Variants in MAP7D3 observed in about 807,000 individuals in gnomAD.
MAP7D3 encodes MAP7 domain containing 3.
A neutral mutation model predicts 62.2 loss-of-function variants in MAP7D3; 45 were observed. The observed-to-expected ratio is 0.72, with a 90% CI of 0.57 to 0.93. MAP7D3 has a LOEUF of 0.93. Ranked by LOEUF, MAP7D3 falls within the 40% of genes least tolerant of loss-of-function variation. MAP7D3 has a pLI of 0.00. For missense variants in MAP7D3, 711 were observed against 683.1 expected (o/e 1.04, Z -0.45); for synonymous variants, 288 against 248.8 (o/e 1.16, Z -1.48).
At chrX:136,251,100 C>A (rs1321443809) in intron 1 of MAP7D3, among the ~76,000 whole-genome samples, 189 bp downstream of exon 1, 1 of 112,761 alleles carries the variant, frequency 8.9e-6, no homozygotes, top group Non-Finnish European at 1.9e-5. Context: ...ACAATTTCAA[C>A]CCCCCGCCCC....
upstream of MAP7D3, chrX:136,251,539 C>T: frequency 1.2e-6 from 1 of 837,656 alleles, no homozygotes; most frequent in Non-Finnish European, 1.4e-6. Context: ...TTGCCCCTTG[C>T]GTCCCACGTC....
At chrX:136,216,651 A>AACTC (rs1569531314), downstream of MAP7D3, among the ~76,000 whole-genome samples, 1 of 111,378 alleles carries the variant, frequency 9.0e-6, no homozygotes, top group East Asian at 2.8e-4. Flanking sequence ...CCAGAAGTGG[A>AACTC]ACTCTGCCAA....
intron 14 of MAP7D3, 114 bp from the exon 15 acceptor site, chrX:136,222,600 C>A: frequency 1.7e-6 from 1 of 583,373 alleles, no homozygotes; most frequent in Non-Finnish European, 2.7e-6. Flanking sequence ...GTCATTTCAA[C>A]GAAAAGGTAA....
At chrX:136,252,009 G>A (rs1239022329), upstream of MAP7D3, among the ~76,000 whole-genome samples, 2 of 112,239 alleles carry the variant, frequency 1.8e-5, no homozygotes, top group Admixed American at 9.4e-5. Context: ...CAATCTCTCC[G>A]GATTTTGGGA....
chrX:136,230,541 G>A lies in MAP7D3; in HGVS notation c.1594C>T (p.Gln532Ter). The A allele has an allele frequency of 8.3e-7, 1 of 1,204,703 alleles. No individual in the cohort carries two copies. The highest frequency in any genetic ancestry group is 1.7e-5 in the African/African-American group (1 of 57,696). Residue 532 changes from glutamine (Q) to a stop codon, truncating the protein, a stop_gained, in exon 10 of 19, where the codon CAG (glutamine) becomes TAG (stop). Transcript: ENST00000316077. LOFTEE classifies it high-confidence loss of function. ...TAAGGAAAAGAAGTCTGTGGTGACTGTTTTGAAATAAGTGGTAATGGTGAT... is the reference window on the plus strand; with the variant it reads ...TAAGGAAAAGAAGTCTGTGGTGACTATTTTGAAATAAGTGGTAATGGTGAT... ...PPSPLPLISK[Q>*]SPQTSFPYKI...
At chrX:136,251,231 G>A in intron 1 of MAP7D3, 58 bp downstream of exon 1, 3 of 1,018,737 alleles carry the variant, frequency 2.9e-6, no homozygotes, top group East Asian at 3.9e-5. Flanking sequence ...CGGGGACTGC[G>A]GGAACCCTGC....
chrX:136,229,982 TATATATATA>T (rs1569531766), intron 10 of MAP7D3, among the ~76,000 whole-genome samples: 1 of 63,405 alleles, frequency 1.6e-5, no homozygotes, highest in Non-Finnish European at 2.9e-5. Flanking sequence ...TATATATATA[TATATATATA>T]TATTTTTTTT....
intron 4 of MAP7D3, among the ~76,000 whole-genome samples, chrX:136,243,780 C>T (rs1157122501): frequency 9.1e-6 from 1 of 110,447 alleles, no homozygotes; most frequent in Non-Finnish European, 1.9e-5. Context: ...ACAGCGACCA[C>T]GCTAGATTCA....
In MAP7D3 at chrX:136,227,354, C is replaced by T. The variant is rs757575623; in HGVS notation, c.1964G>A (p.Gly655Glu). The T allele has an allele frequency of 2.5e-6, 3 of 1,201,297 alleles. No individual in the cohort carries two copies. The highest frequency in any genetic ancestry group is 1.8e-5 in the African/African-American group (1 of 55,290). ...QAEDHLKLKD[G>E]QQQNETKKKK... ...CTTTTTAGTCTCATTTTGTTGCTGC[C>T]CATCTTTGAGTTTCAAGTGGTCTTC... Residue 655 changes from glycine to glutamate, a missense_variant, in exon 12 of 19, where the codon GGG (glycine) becomes GAG (glutamate). By Grantham distance (98) the Gly-to-Glu change is moderately conservative. Transcript: ENST00000316077.
chrX:136,230,980 C>T lies in MAP7D3; in HGVS notation c.1414-14G>A. 1 of 1,138,688 alleles carries T rather than the reference C, an allele frequency of 8.8e-7. No individual in the cohort carries two copies. The highest frequency in any genetic ancestry group is 1.2e-6 in the Non-Finnish European group (1 of 847,899). 93.8% of individuals were successfully genotyped at this position (1,138,688 alleles called of 1,213,427 possible). On this transcript the variant is annotated splice_polypyrimidine_tract_variant and intron_variant, in intron 8 of 18. Transcript: ENST00000316077. ...CATTTCTGATTTCTGAACAGATAAA[C>T]ACAGTATGGTAAATTACTAACAAAC...
chrX:136,222,906 A>G (rs952287454), intron 14 of MAP7D3, among the ~76,000 whole-genome samples: 1 of 107,930 alleles, frequency 9.3e-6, no homozygotes, highest in Non-Finnish European at 1.9e-5. Context: ...CAGTGGCACG[A>G]TCATAGCTCA....
intron 7 of MAP7D3, among the ~76,000 whole-genome samples, chrX:136,232,620 C>T: frequency 8.9e-6 from 1 of 112,061 alleles, no homozygotes. Context: ...AGAGATCTTA[C>T]CATTATAGGT....
At chrX:136,251,051 C>G (rs2074502202) in intron 1 of MAP7D3, among the ~76,000 whole-genome samples, 1 of 112,536 alleles carries the variant, frequency 8.9e-6, no homozygotes, top group Non-Finnish European at 1.9e-5. Context: ...GCAGTTCGAC[C>G]GTTGGCGGCG....
At chrX:136,223,446 T>C (rs2074154846) in intron 14 of MAP7D3, among the ~76,000 whole-genome samples, 1 of 110,099 alleles carries the variant, frequency 9.1e-6, no homozygotes, top group Non-Finnish European at 1.9e-5. Context: ...AATGATAAAT[T>C]TGAACTTGTT....
At chrX:136,224,749 T>A (rs972830576) in intron 14 of MAP7D3, 78 bp downstream of exon 14, 1 of 630,720 alleles carries the variant, frequency 1.6e-6, no homozygotes, top group African/African-American at 2.2e-5. Context: ...ACCACCAGAT[T>A]GGGTAAAGTG....
chrX:136,230,054 C>T (rs1468604854), intron 10 of MAP7D3, among the ~76,000 whole-genome samples: 1 of 94,209 alleles, frequency 1.1e-5, no homozygotes, highest in African/African-American at 4.0e-5. Context: ...TGGTCTCAAA[C>T]TCCTTGGCTC....
intron 9 of MAP7D3, 40 bp from the exon 10 acceptor site, chrX:136,230,633 T>C: frequency 1.0e-6 from 1 of 988,931 alleles, no homozygotes; most frequent in Non-Finnish European, 1.4e-6. Context: ...TAATTTTCAG[T>C]GTACAATTTC....
rs1268769472 is a variant in MAP7D3 at position 136,230,843 on chromosome X, T to G, written c.1537A>C (p.Thr513Pro). The G allele has an allele frequency of 8.3e-7, 1 of 1,207,416 alleles. No homozygotes were observed. The change falls in exon 9 of 19, where the codon ACT becomes CCT. Residue 513 changes from threonine (T) to proline (P), a missense_variant. By Grantham distance (38) the Thr-to-Pro change is conservative. Coordinates refer to ENST00000316077, the MANE Select transcript of MAP7D3 (RefSeq NM_024597.4). The part of the protein sequence containing the change: ...NACGLPSPIS[T>P]NRQIQKNCPP... ...AGTTGCGAATAAGCTGCTTACTTAG[T>G]GCTGATGGGAGACGGCAGACCACAA...
chrX:136,225,146 C>A (rs758882401), intron 13 of MAP7D3, among the ~76,000 whole-genome samples: 31 of 112,581 alleles, frequency 2.8e-4, no homozygotes, highest in Non-Finnish European at 5.6e-4. Context: ...CCTAATTTTG[C>A]ATATGCAGAA....
Sources: allele counts gnomAD v4.1 joint callset (sites outside exome capture counted in the v4.1 genomes callset), GRCh38; gene constraint gnomAD v4.1.1; transcripts MANE v1.5; gene names NCBI Gene and HGNC (gene_info 2026-07-23, HGNC 2026-07-21).